Variants in RAB19 observed in about 807,000 individuals in gnomAD.
The protein encoded by RAB19 is ras-related protein Rab-19.
In RAB19, 21 loss-of-function variants were observed where a neutral mutation model predicts 17.3. The ratio of observed to expected loss-of-function variants is 1.21; its 90% CI spans 0.86 to 1.74. RAB19 has a LOEUF of 1.74. Among genes scored for constraint, RAB19 ranks in the 40% most tolerant of loss-of-function variants. The pLI, the probability that RAB19 is intolerant of heterozygous loss-of-function variation, is 0.00. For synonymous variants in RAB19, 126 were observed against 110.4 expected, an observed-to-expected ratio of 1.14 and a Z score of -0.88; for missense variants, 277 against 286.8, an observed-to-expected ratio of 0.97 and a Z score of 0.25.
chr7:140,416,258 G>A (rs1035093817), intron 3 of RAB19, among the ~76,000 whole-genome samples: 2 of 152,186 alleles, frequency 1.3e-5, no homozygotes, highest in Admixed American at 6.6e-5. Flanking sequence ...AACCCAGGAG[G>A]TGGATGTTGC....
intron 2 of RAB19, among the ~76,000 whole-genome samples, 188 bp downstream of exon 2, chr7:140,408,035 G>A (rs543915865): frequency 8.9e-5 from 12 of 135,466 alleles, no homozygotes; most frequent in East Asian, 8.8e-4. Context: ...CCGCCACCAC[G>A]CCCGGCAAAT....
chr7:140,424,663 GTA>G (rs36042630), intron 3 of RAB19, among the ~76,000 whole-genome samples: 24,736 of 117,452 alleles, frequency 0.21, 2,588 homozygotes, highest in East Asian at 0.4. Flanking sequence ...ATATGTGTGT[GTA>G]TATATATATA....
At chr7:140,410,304 T>A (rs1457347372) in intron 2 of RAB19, among the ~76,000 whole-genome samples, 1 of 132,824 alleles carries the variant, frequency 7.5e-6, no homozygotes, top group Non-Finnish European at 1.6e-5. Context: ...AGCTAATTTT[T>A]GTATTTTTCT....
chr7:140,426,552 G>A lies in RAB19; in HGVS notation c.*402G>A, dbSNP rs1347617898. ...AGGCAAAACAGCAAGAGAGAGAAGA[G>A]GCTGTTTGGAACATTCTGGAACAGT... On this transcript the variant is annotated 3_prime_UTR_variant, in exon 4 of 4. Transcript: ENST00000537763. Among the ~76,000 whole-genome samples the A allele has an allele frequency of 1.3e-5, 2 of 152,224 alleles. No homozygotes were observed. Among genetic ancestry groups the A allele is most frequent in the Admixed American group, 6.6e-5 (1 of 15,262 alleles).
At chr7:140,406,533 G>A (rs999006978) in intron 1 of RAB19, among the ~76,000 whole-genome samples, 2 of 151,450 alleles carry the variant, frequency 1.3e-5, no homozygotes, top group Admixed American at 1.3e-4. Context: ...CCAGCTACTC[G>A]GGAGGCTGAG....
chr7:140,418,634 A>C (rs1799504896), intron 3 of RAB19, among the ~76,000 whole-genome samples: 1 of 151,490 alleles, frequency 6.6e-6, no homozygotes, highest in Non-Finnish European at 1.5e-5. Flanking sequence ...TGTAATCCCA[A>C]CAGGGATTTG....
rs184447393 is a variant in RAB19, at chr7:140,421,081, C to T, written c.386-4801C>T. Among the ~76,000 whole-genome samples, 292 of 151,954 alleles carry T rather than the reference C, an allele frequency of 1.9e-3. 1 individual carries two copies. In the East Asian group the frequency reaches 0.032, roughly 17 times the overall value. The stretch of plus-strand genomic sequence containing the variant: ...CTAATTTTCGTATTTTTAATAGAGA[C>T]GGGGTTTCACCATGTTGGTCAGGCT... On this transcript the variant is annotated intron_variant, in intron 3 of 3. Transcript: ENST00000537763.
intron 2 of RAB19, among the ~76,000 whole-genome samples, chr7:140,409,460 C>T (rs988380344): frequency 6.6e-5 from 10 of 152,010 alleles, no homozygotes; most frequent in African/African-American, 2.2e-4. Flanking sequence ...TTTTGGAGGC[C>T]GAGGCAGGCG....
chr7:140,411,192 G>A (rs1276052098), intron 2 of RAB19: 20 of 1,147,820 alleles, frequency 1.7e-5, no homozygotes, highest in Non-Finnish European at 2.3e-5. Context: ...AAGGTCAGGA[G>A]ATCGAGACCA....
At chr7:140,415,032 C>T (rs1232054871) in intron 3 of RAB19, among the ~76,000 whole-genome samples, 1 of 151,960 alleles carries the variant, frequency 6.6e-6, no homozygotes, top group Admixed American at 6.6e-5. Context: ...CTTTCTCCTA[C>T]CCTCACTCCA....
intron 3 of RAB19, among the ~76,000 whole-genome samples, chr7:140,413,850 G>T (rs1013724054): frequency 3.3e-5 from 5 of 152,166 alleles, no homozygotes; most frequent in Admixed American, 2.0e-4. Flanking sequence ...CCCAGCAATG[G>T]TGGCTCCCAG....
rs747708202 is a variant in RAB19 at position 140,417,714 on chromosome 7, C to T, written c.385+5657C>T. Among the ~76,000 whole-genome samples, 103 of 152,262 alleles carry T rather than the reference C, an allele frequency of 6.8e-4. 1 individual carries two copies. The highest frequency in any genetic ancestry group is 5.7e-4 in the Non-Finnish European group (39 of 68,004). The stretch of plus-strand genomic sequence containing the variant: ...GGCCACAAGTCTGAAATCAGTCCTG[C>T]GGGGCTGAAATGGAGGTGTCAGCAG... On this transcript the variant is annotated intron_variant, in intron 3 of 3. Transcript: ENST00000537763.
intron 3 of RAB19, among the ~76,000 whole-genome samples, chr7:140,418,888 C>A (rs1215415612): frequency 6.6e-6 from 1 of 151,642 alleles, no homozygotes; most frequent in Non-Finnish European, 1.5e-5. Flanking sequence ...ATTGCCAGCC[C>A]ACTCTTCTCC....
rs1199054127 is a variant in RAB19 at position 140,426,831 on chromosome 7, TTTTC to T, written c.*689_*692del. 5.4e-5 allele frequency among the ~76,000 whole-genome samples: 8 copies of T among 149,216 alleles called. No individual in the cohort carries two copies. The highest frequency in any genetic ancestry group is 2.0e-4 in the East Asian group (1 of 5,126). ...GATAGGGGAAGACACCTGCAATTTTTTTTCTTTCTTTTTTTTTTTTTTTTTTTTG... is the reference window on the plus strand; with the variant it reads ...GATAGGGGAAGACACCTGCAATTTTTTTTCTTTTTTTTTTTTTTTTTTTTG... On this transcript the variant is annotated 3_prime_UTR_variant, in exon 4 of 4. Coordinates refer to ENST00000537763, the MANE Select transcript of RAB19 (RefSeq NM_001008749.3).
rs142469886 is a variant in RAB19 at position 140,426,757 on chromosome 7, A to G, written c.*607A>G. ...GTCAGGAACTGTCTGATAGAGATGG[A>G]ACTGGAATTCACTCTATTCTAGCAG... On this transcript the variant is annotated 3_prime_UTR_variant, in exon 4 of 4. Coordinates refer to ENST00000537763, the MANE Select transcript of RAB19 (RefSeq NM_001008749.3). Among the ~76,000 whole-genome samples, 313 of 152,156 alleles carry G rather than the reference A, an allele frequency of 2.1e-3. 1 individual carries two copies. The highest frequency in any genetic ancestry group is 5.9e-3 in the Admixed American group (90 of 15,256).
intron 3 of RAB19, among the ~76,000 whole-genome samples, chr7:140,421,699 T>C (rs1211838833): frequency 1.3e-5 from 2 of 152,062 alleles, no homozygotes; most frequent in African/African-American, 2.4e-5. Flanking sequence ...GGGGTCTTGC[T>C]GTATTGCCCA....
chr7:140,426,952 C>T lies in RAB19; in HGVS notation c.*802C>T, dbSNP rs1463657853. Among the ~76,000 whole-genome samples the T allele has an allele frequency of 6.6e-6, 1 of 150,598 alleles. No homozygotes were observed. Among genetic ancestry groups the T allele is most frequent in the African/African-American group, 2.4e-5 (1 of 40,834 alleles). ...TACCTCCTGGGTTCAAGAGGTTCTC[C>T]CACCTCAGTCTCCCAAGTGGCTGGG... On this transcript the variant is annotated 3_prime_UTR_variant, in exon 4 of 4. Transcript: ENST00000537763.
chr7:140,409,635 T>C (rs189374406), intron 2 of RAB19, among the ~76,000 whole-genome samples: 1 of 151,962 alleles, frequency 6.6e-6, no homozygotes, highest in East Asian at 1.9e-4. Flanking sequence ...GAGGCAGAGG[T>C]TGCAGTGAGC....
rs1799683701 is a variant in RAB19, at chr7:140,426,968, A to G, written c.*818A>G. On this transcript the variant is annotated 3_prime_UTR_variant, in exon 4 of 4. Transcript: ENST00000537763. ...GAGGTTCTCCCACCTCAGTCTCCCA[A>G]GTGGCTGGGACTACAGACACACGCC... Among the ~76,000 whole-genome samples, 2 of 150,458 alleles carry G rather than the reference A, an allele frequency of 1.3e-5. No individual in the cohort carries two copies. The highest frequency in any genetic ancestry group is 3.0e-5 in the Non-Finnish European group (2 of 67,742).
Sources: gnomAD v4.1 joint callset for allele counts (sites outside exome capture counted in the v4.1 genomes callset) on GRCh38, gnomAD v4.1.1 for gene constraint, MANE v1.5 for transcripts, NCBI Gene and HGNC (gene_info 2026-07-23, HGNC 2026-07-21) for gene names.